Variants in CRTAP observed in about 807,000 individuals in gnomAD.
CRTAP encodes cartilage associated protein, also known as cartilage-associated protein.
A neutral mutation model predicts 42.7 loss-of-function variants in CRTAP; 33 were observed. The observed-to-expected ratio is 0.77, with a 90% confidence interval of 0.59 to 1.03. The LOEUF (loss-of-function observed/expected upper bound fraction) is 1.03. Ranked by LOEUF, CRTAP falls within the 50% of genes least tolerant of loss-of-function variation. The pLI is 0.00. For synonymous variants in CRTAP, 243 were observed against 217.7 expected, an observed-to-expected ratio of 1.12 and a Z score of -1.02; for missense variants, 613 against 533.9, an observed-to-expected ratio of 1.15 and a Z score of -1.46.
chr3:33,146,497 G>C lies in CRTAP; in HGVS notation c.*4049G>C, dbSNP rs540976692. 2 of 152,356 alleles carry C rather than the reference G, an allele frequency of 1.3e-5. No individual in the cohort carries two copies. The highest frequency in any genetic ancestry group is 1.3e-4 in the Admixed American group (2 of 15,300). 9.4% of individuals were successfully genotyped at this position (152,356 alleles called of 1,614,324 possible). ...TGAGGGGAGGTTTGTGTACACCCAT[G>C]TATTTAAAAGTGACTGACTGACTGA... On this transcript the variant is annotated 3_prime_UTR_variant, in exon 7 of 7. Transcript: ENST00000320954.
intron 2 of CRTAP, among the ~76,000 whole-genome samples, chr3:33,122,107 C>T (rs1282733600): frequency 1.3e-5 from 2 of 152,134 alleles, no homozygotes; most frequent in Non-Finnish European, 2.9e-5. Context: ...TCATAGTCTT[C>T]ACTGTTGTTT....
intron 1 of CRTAP, among the ~76,000 whole-genome samples, chr3:33,114,797 G>A (rs1559431655): frequency 2.0e-5 from 3 of 152,230 alleles, no homozygotes; most frequent in Admixed American, 6.5e-5. Context: ...TACAGCGCCA[G>A]GCACCCAACA....
rs2125609392 is a variant in CRTAP at position 33,146,916 on chromosome 3, A to T, written c.*4468A>T. 6.5e-6 allele frequency: 1 copy of T among 152,776 alleles called. No homozygotes were observed. Among genetic ancestry groups the T allele is most frequent in the African/African-American group, 2.4e-5 (1 of 41,574 alleles). The allele number at this position is 152,776 out of a possible 1,614,324, so 9.5% of individuals were successfully genotyped here. On this transcript the variant is annotated 3_prime_UTR_variant, in exon 7 of 7. Transcript: ENST00000320954. ...TTAAAAAAAAAAAAATCAATACTTAAACTGTAGGGAAAAGGTGGATTGGTG... is the reference window on the plus strand; with the variant it reads ...TTAAAAAAAAAAAAATCAATACTTATACTGTAGGGAAAAGGTGGATTGGTG...
chr3:33,120,636 CTT>C, intron 2 of CRTAP, 143 bp downstream of exon 2: 1 of 1,286,148 alleles, frequency 7.8e-7, no homozygotes, highest in Non-Finnish European at 1.1e-6. Flanking sequence ...AAATGATTGA[CTT>C]TTAGCACAAA....
At chr3:33,122,561 T>G (rs1266734085) in intron 2 of CRTAP, among the ~76,000 whole-genome samples, 1 of 151,588 alleles carries the variant, frequency 6.6e-6, no homozygotes, top group African/African-American at 2.4e-5. Context: ...ACAAAAAAAT[T>G]AGCCAGGCGT....
Position 33,144,485 on chromosome 3 carries a change from T to C in CRTAP, c.*2037T>C, listed in dbSNP as rs1250695554. 1 of 152,216 alleles carries C rather than the reference T, an allele frequency of 6.6e-6. No individual in the cohort carries two copies. Among genetic ancestry groups the C allele is most frequent in the Non-Finnish European group, 1.5e-5 (1 of 68,070 alleles). 9.4% of individuals were successfully genotyped at this position (152,216 alleles called of 1,614,324 possible). On this transcript the variant is annotated 3_prime_UTR_variant, in exon 7 of 7. Transcript: ENST00000320954. Reference sequence around the variant, plus strand: ...CCTGTGAAAGCCTTTATCAGTCATTTATTGGCTGTGAGAAGTTCTCTGGGA... The same window carrying C: ...CCTGTGAAAGCCTTTATCAGTCATTCATTGGCTGTGAGAAGTTCTCTGGGA...
Position 33,114,051 on chromosome 3 carries a change from CT to C in CRTAP, c.-25del. 7.4e-7 allele frequency: 1 copy of C among 1,356,646 alleles called. No homozygotes were observed. The highest frequency in any genetic ancestry group is 9.7e-7 in the Non-Finnish European group (1 of 1,030,088). The allele number at this position is 1,356,646 out of a possible 1,614,324, so 84.0% of individuals were successfully genotyped here. ...CCTCCCCTTTTCCCTTCCTTCGTCC[CT>C]TCCTTCCTTCCTTTCGCCGGGCGCG... On this transcript the variant is annotated 5_prime_UTR_variant, in exon 1 of 7. Coordinates refer to ENST00000320954, the MANE Select transcript of CRTAP (RefSeq NM_006371.5).
Position 33,134,235 on chromosome 3 carries a change from T to C in CRTAP, c.1122T>C (p.Phe374=), listed in dbSNP as rs972314188. 1 of 1,612,746 alleles carries C rather than the reference T, an allele frequency of 6.2e-7. No individual in the cohort carries two copies. Among genetic ancestry groups the C allele is most frequent in the African/African-American group, 1.3e-5 (1 of 75,034 alleles). ...CACTCCAGAAGGAGCTGTATGACTT[T>C]GCTAAGGAAAATATAATGGATGATG... ...VTTLQKELYD[F]AKENIMDDDE... Residue 374 remains phenylalanine (F), a synonymous_variant, in exon 6 of 7, where the codon TTT becomes TTC. Coordinates refer to ENST00000320954, the MANE Select transcript of CRTAP (RefSeq NM_006371.5).
At chr3:33,119,834 G>C (rs1701394445) in intron 1 of CRTAP, among the ~76,000 whole-genome samples, 1 of 152,182 alleles carries the variant, frequency 6.6e-6, no homozygotes, top group Non-Finnish European at 1.5e-5. Flanking sequence ...AGGCCAAAAG[G>C]GGCAGGGGAG....
intron 3 of CRTAP, 82 bp from the exon 4 acceptor site, chr3:33,129,851 TTTTAAC>T: frequency 7.1e-7 from 1 of 1,401,948 alleles, no homozygotes; most frequent in Non-Finnish European, 1.0e-6. Flanking sequence ...AATATTTTTC[TTTTAAC>T]TTTTTCATTT....
rs149582048 is a variant in CRTAP at position 33,134,884 on chromosome 3, G to A, written c.1152+619G>A. Among the ~76,000 whole-genome samples, 357 of 152,344 alleles carry A rather than the reference G, an allele frequency of 2.3e-3. 2 individuals carry two copies. The highest frequency in any genetic ancestry group is 7.7e-3 in the African/African-American group (319 of 41,578). On this transcript the variant is annotated intron_variant, in intron 6 of 6. Coordinates refer to ENST00000320954, the MANE Select transcript of CRTAP (RefSeq NM_006371.5). ...GGGGACTTGTCAGCTATTGGAGCTC[G>A]AAGAGAGCTGTGAGCTTGCTCTGGT...
intron 6 of CRTAP, among the ~76,000 whole-genome samples, chr3:33,141,100 A>T (rs2030558442): frequency 6.6e-6 from 1 of 152,140 alleles, no homozygotes; most frequent in Non-Finnish European, 1.5e-5. Flanking sequence ...GGAGTTGGGG[A>T]TGAGTGCACT....
At chr3:33,134,110 T>G (rs2030350801) in intron 5 of CRTAP, 72 bp from the exon 6 acceptor site, 1 of 1,026,960 alleles carries the variant, frequency 9.7e-7, no homozygotes, top group Non-Finnish European at 1.6e-6. Flanking sequence ...CCCCATATCC[T>G]GTTCCTCCCT....
At chr3:33,127,717 G>A (rs182504391) in intron 3 of CRTAP, among the ~76,000 whole-genome samples, 4 of 151,916 alleles carry the variant, frequency 2.6e-5, no homozygotes, top group Admixed American at 6.6e-5. Flanking sequence ...CAAAGTGCTA[G>A]GAGTACAGGC....
In CRTAP at chr3:33,130,057, C is replaced by T. The variant is rs2030206403; in HGVS notation, c.912C>T (p.Ala304=). 1.1e-5 allele frequency: 18 copies of T among 1,613,648 alleles called. No individual in the cohort carries two copies. The highest frequency in any genetic ancestry group is 1.4e-5 in the Non-Finnish European group (16 of 1,179,706). Residue 304 remains alanine, a synonymous_variant, in exon 4 of 7, where the codon GCC becomes GCT. Transcript: ENST00000320954. ...VATMYHYLQF[A]YYKLNDLKNA... is the part of the protein sequence containing the mutation. Reference sequence around the variant, plus strand: ...CCATGTATCATTACTTGCAGTTTGCCTATTATAAGTGTAAGTAATCTTCTG... The same window carrying T: ...CCATGTATCATTACTTGCAGTTTGCTTATTATAAGTGTAAGTAATCTTCTG...
Position 33,145,959 on chromosome 3 carries a change from G to C in CRTAP, c.*3511G>C, listed in dbSNP as rs886058369. 11 of 151,946 alleles carry C rather than the reference G, an allele frequency of 7.2e-5. No individual in the cohort carries two copies. The highest frequency in any genetic ancestry group is 1.3e-4 in the Non-Finnish European group (9 of 68,032). 9.4% of individuals were successfully genotyped at this position (151,946 alleles called of 1,614,324 possible). On this transcript the variant is annotated 3_prime_UTR_variant, in exon 7 of 7. Coordinates refer to ENST00000320954, the MANE Select transcript of CRTAP (RefSeq NM_006371.5). This position sits in a 1 kb window ranked among gnomAD's most constrained non-coding sequence, Gnocchi z 4.3. ...GGTGATAGTACAGTCAATATTGTCA[G>C]TACTTTGCTTTGATTGAAGGCTGTA...
chr3:33,128,794 A>T (rs1028662758), intron 3 of CRTAP, among the ~76,000 whole-genome samples: 2 of 152,258 alleles, frequency 1.3e-5, no homozygotes, highest in East Asian at 3.9e-4. Flanking sequence ...AATGTGTGCA[A>T]CCCTTCTGGA....
At chr3:33,138,794 C>A (rs189658952) in intron 6 of CRTAP, among the ~76,000 whole-genome samples, 1 of 151,908 alleles carries the variant, frequency 6.6e-6, no homozygotes, top group Admixed American at 6.6e-5. Flanking sequence ...ATCACTTGAA[C>A]CCAGGAGTTT....
chr3:33,114,691 C>G (rs1208628915), intron 1 of CRTAP, 143 bp downstream of exon 1: 1 of 709,470 alleles, frequency 1.4e-6, no homozygotes, highest in Admixed American at 2.6e-5. Context: ...CCAAAGGTCT[C>G]CTCCAAGTCC....
Sources: gnomAD v4.1 joint callset for allele counts (sites outside exome capture counted in the v4.1 genomes callset) on GRCh38, gnomAD v4.1.1 for gene constraint, Gnocchi (gnomAD v3.1) non-coding constraint, MANE v1.5 for transcripts, NCBI Gene and HGNC (gene_info 2026-07-23, HGNC 2026-07-21) for gene names.